BCL2L11: variants seen among roughly 807,000 people sequenced by gnomAD.
BCL2L11 encodes the protein bcl-2-like protein 11.
A neutral mutation model predicts 20.6 loss-of-function variants in BCL2L11; 15 were observed. That is an observed-to-expected ratio of 0.73 (90% CI 0.49 to 1.12). The LOEUF (loss-of-function observed/expected upper bound fraction) is 1.12, where lower values mean the gene tolerates loss of function less well. Among genes scored for constraint, BCL2L11 ranks in the 50% most tolerant of loss-of-function variants. The pLI is 0.00. For missense variants in BCL2L11, 292 were observed against 260.9 expected, an observed-to-expected ratio of 1.12 and a Z score of -0.82; for synonymous variants, 108 against 92.8, an observed-to-expected ratio of 1.16 and a Z score of -0.94.
intron 1 of BCL2L11, chr2:111,123,445 T>G: frequency 1.0e-6 from 1 of 985,450 alleles, no homozygotes; most frequent in Non-Finnish European, 1.2e-6. Context: ...CACACACGAA[T>G]AGACTTCAGA....
intron 3 of BCL2L11, among the ~76,000 whole-genome samples, chr2:111,151,384 G>T (rs988247037): frequency 1.3e-5 from 2 of 152,206 alleles, no homozygotes; most frequent in Non-Finnish European, 1.5e-5. Context: ...CCAAAAGGAA[G>T]ACACTAATTC....
chr2:111,164,304 T>C lies in BCL2L11; in HGVS notation c.*73T>C. ...AAACCAACAAGACCCAGCACCGCGGTCTCCTGGTGCCATTATTATGCAGCC... is the reference window on the plus strand; with the variant it reads ...AAACCAACAAGACCCAGCACCGCGGCCTCCTGGTGCCATTATTATGCAGCC... On this transcript the variant is annotated 3_prime_UTR_variant, in exon 4 of 4. Coordinates refer to ENST00000393256, the MANE Select transcript of BCL2L11 (RefSeq NM_138621.5). 8.9e-7 allele frequency: 1 copy of C among 1,121,822 alleles called. No individual in the cohort carries two copies. Among genetic ancestry groups the C allele is most frequent in the Non-Finnish European group, 1.4e-6 (1 of 732,348 alleles). 69.5% of individuals were successfully genotyped at this position (1,121,822 alleles called of 1,614,324 possible). A position where few individuals can be genotyped will look rare whatever the true frequency, so the allele number is the denominator to read the frequency against.
At chr2:111,137,718 C>T (rs1336337968) in intron 2 of BCL2L11, among the ~76,000 whole-genome samples, 3 of 148,790 alleles carry the variant, frequency 2.0e-5, no homozygotes, top group Admixed American at 1.4e-4. Context: ...TACAGCCAAA[C>T]GACTGTCCTT....
chr2:111,130,905 C>T (rs998324225), intron 2 of BCL2L11, among the ~76,000 whole-genome samples: 2 of 152,052 alleles, frequency 1.3e-5, no homozygotes, highest in Admixed American at 6.5e-5. Context: ...TGATATGGTA[C>T]GTTCCATTGA....
At chr2:111,130,567 T>G (rs976941958) in intron 2 of BCL2L11, among the ~76,000 whole-genome samples, 1 of 152,216 alleles carries the variant, frequency 6.6e-6, no homozygotes, top group African/African-American at 2.4e-5. Flanking sequence ...TAGGGACAGT[T>G]TTATGTCTTC....
chr2:111,138,808 G>T (rs1468962299), intron 2 of BCL2L11, among the ~76,000 whole-genome samples: 1 of 152,146 alleles, frequency 6.6e-6, no homozygotes, highest in Non-Finnish European at 1.5e-5. Context: ...GCGGAGCAGT[G>T]AGTCTGTCTG....
At chr2:111,123,025 TGCAG>T in intron 1 of BCL2L11, 2 of 982,744 alleles carry the variant, frequency 2.0e-6, no homozygotes, top group South Asian at 4.7e-5. Context: ...TTGTAGACCT[TGCAG>T]GCGTTCGCTT....
intron 2 of BCL2L11, chr2:111,144,604 A>G (rs1344937117): frequency 7.0e-7 from 1 of 1,429,968 alleles, no homozygotes; most frequent in Non-Finnish European, 9.5e-7. Flanking sequence ...ATTTAGAAAG[A>G]TATTTCTGAA....
At chr2:111,136,706 C>T (rs1575013096) in intron 2 of BCL2L11, among the ~76,000 whole-genome samples, 1 of 152,266 alleles carries the variant, frequency 6.6e-6, no homozygotes, top group South Asian at 2.1e-4. Flanking sequence ...TCTCTGGGGT[C>T]TCTTTTGTGA....
chr2:111,124,483 G>A (rs1165686805), intron 2 of BCL2L11, among the ~76,000 whole-genome samples: 1 of 152,048 alleles, frequency 6.6e-6, no homozygotes, highest in Non-Finnish European at 1.5e-5. Context: ...GTAGAGATGG[G>A]GTTTCACCGT....
chr2:111,150,147 G>A lies in BCL2L11; in HGVS notation c.498G>A (p.Arg166=). ...GDEFNAYYAR[R]VFLNNYQAAE... is the part of the protein sequence containing the mutation. The stretch of plus-strand genomic sequence containing the variant: ...AGTTTAACGCTTACTATGCAAGGAG[G>A]GTAATGATGTTTTCTTTACCCGCTT... The change falls in exon 3 of 4, where the codon AGG becomes AGA. Residue 166 remains arginine, a splice_region_variant and synonymous_variant. Coordinates refer to ENST00000393256, the MANE Select transcript of BCL2L11 (RefSeq NM_138621.5). 1 of 1,613,408 alleles carries A rather than the reference G, an allele frequency of 6.2e-7. No homozygotes were observed. Among genetic ancestry groups the A allele is most frequent in the Non-Finnish European group, 8.5e-7 (1 of 1,179,598 alleles).
In BCL2L11 at chr2:111,161,339, G is replaced by T. The variant is rs56205524; in HGVS notation, c.499-2794G>T. Reference sequence around the variant, plus strand: ...TTTAATAGTTTTTTAAAAAACGCTTGTAATCAGGAAAGACAGTCTGTCTTT... The same window carrying T: ...TTTAATAGTTTTTTAAAAAACGCTTTTAATCAGGAAAGACAGTCTGTCTTT... On this transcript the variant is annotated intron_variant, in intron 3 of 3. Coordinates refer to ENST00000393256, the MANE Select transcript of BCL2L11 (RefSeq NM_138621.5). The T allele has an allele frequency of 1.2e-3, 1,792 of 1,496,544 alleles. 18 individuals carry two copies. The African/African-American group carries it at 0.014, about 12-fold the overall frequency. 92.7% of individuals were successfully genotyped at this position (1,496,544 alleles called of 1,614,324 possible).
At position 111,121,188 on chromosome 2, in the gene BCL2L11, G is replaced by A; in HGVS notation, c.-14G>A. ...CTGACTCTCGGACTGAGAAACGCAA[G>A]GTAAATACCTCCAAATCCCGGGGCG... On this transcript the variant is annotated splice_region_variant and 5_prime_UTR_variant, in exon 1 of 4. Coordinates refer to ENST00000393256, the MANE Select transcript of BCL2L11 (RefSeq NM_138621.5). 4.3e-6 allele frequency: 1 copy of A among 232,578 alleles called. No homozygotes were observed. Among genetic ancestry groups the A allele is most frequent in the Non-Finnish European group, 8.5e-6 (1 of 118,276 alleles). 14.4% of individuals were successfully genotyped at this position (232,578 alleles called of 1,614,324 possible). A position where few individuals can be genotyped will look rare whatever the true frequency, so the allele number is the denominator to read the frequency against.
At chr2:111,143,077 AG>A (rs1456849249) in intron 2 of BCL2L11, among the ~76,000 whole-genome samples, 2 of 152,200 alleles carry the variant, frequency 1.3e-5, no homozygotes, top group Admixed American at 1.3e-4. Context: ...GTCTTCTTTT[AG>A]CTGTCCTTAG....
At chr2:111,142,176 G>T (rs2075931265) in intron 2 of BCL2L11, 1 of 743,630 alleles carries the variant, frequency 1.3e-6, no homozygotes, top group Non-Finnish European at 2.3e-6. Flanking sequence ...TTTCAGCACA[G>T]AATTCTTTAC....
chr2:111,138,013 T>TTTC (rs1491090880), intron 2 of BCL2L11, among the ~76,000 whole-genome samples: 7 of 44,060 alleles, frequency 1.6e-4, no homozygotes, highest in East Asian at 6.2e-4. Context: ...TCTTTCTTTC[T>TTTC]TTTTTTTTTT....
At chr2:111,157,096 C>G (rs2077958997) in intron 3 of BCL2L11, among the ~76,000 whole-genome samples, 1 of 152,172 alleles carries the variant, frequency 6.6e-6, no homozygotes, top group Non-Finnish European at 1.5e-5. Flanking sequence ...GGCTAAAGGA[C>G]TTGTGCTTGT....
rs142919622 is a variant in BCL2L11, at chr2:111,124,790, A to G, written c.394+651A>G. Among the ~76,000 whole-genome samples the G allele has an allele frequency of 1.5e-3, 223 of 152,358 alleles. 2 individuals are homozygous for G. The highest frequency in any genetic ancestry group is 5.0e-3 in the African/African-American group (209 of 41,582). The stretch of plus-strand genomic sequence containing the variant: ...ATCAAAAGTGTAAAGAAAGATGACA[A>G]TCATTTTTGAAAATAACACTTTTAA... On this transcript the variant is annotated intron_variant, in intron 2 of 3. Transcript: ENST00000393256.
Position 111,150,106 on chromosome 2 carries a change from C to A in BCL2L11, c.457C>A (p.Arg153=), listed in dbSNP as rs146318804. ...RPEIWIAQEL[R]RIGDEFNAYY... ...AGAGATATGGATCGCCCAAGAGTTG[C>A]GGCGTATTGGAGACGAGTTTAACGC... The change falls in exon 3 of 4, where the codon CGG becomes AGG. Residue 153 remains arginine (R), a synonymous_variant. Transcript: ENST00000393256. The A allele has an allele frequency of 1.5e-5, 24 of 1,613,896 alleles. No homozygotes were observed. The highest frequency in any genetic ancestry group is 1.7e-5 in the Non-Finnish European group (20 of 1,179,880).
Sources: allele counts gnomAD v4.1 joint callset (sites outside exome capture counted in the v4.1 genomes callset), GRCh38; gene constraint gnomAD v4.1.1; transcripts MANE v1.5; gene names NCBI Gene and HGNC (gene_info 2026-07-23, HGNC 2026-07-21).